Variants in COQ8A observed in about 807,000 individuals in gnomAD.
COQ8A encodes atypical kinase COQ8A, mitochondrial.
A neutral mutation model predicts 65.0 loss-of-function variants in COQ8A; 51 were observed. The observed-to-expected ratio is 0.78, with a 90% CI of 0.63 to 0.99. The LOEUF is 0.99. COQ8A is among the 50% of genes least tolerant of loss of function. The pLI, the probability that COQ8A is intolerant of heterozygous loss-of-function variation, is 0.00. For synonymous variants in COQ8A, 371 were observed against 353.2 expected (o/e 1.05, Z -0.57); for missense variants, 940 against 875.0 (o/e 1.07, Z -0.94).
chr1:226,975,369 C>T (rs961645868), intron 4 of COQ8A, among the ~76,000 whole-genome samples: 2 of 152,132 alleles, frequency 1.3e-5, no homozygotes, highest in Non-Finnish European at 2.9e-5. Flanking sequence ...AGTACGGAGC[C>T]GCCAGCCGCA....
At chr1:226,965,999 C>G (rs1304080964) in intron 4 of COQ8A, among the ~76,000 whole-genome samples, 1 of 152,270 alleles carries the variant, frequency 6.6e-6, no homozygotes, top group Non-Finnish European at 1.5e-5. Context: ...TTTGGATTGC[C>G]CGGCAGGCCT....
chr1:226,983,204 G>C (rs1194320572), intron 8 of COQ8A, 170 bp downstream of exon 8: 1 of 1,089,326 alleles, frequency 9.2e-7, no homozygotes, highest in Admixed American at 2.9e-5. Context: ...CAGAAGCTTG[G>C]GAAGTATTTG....
At chr1:226,970,882 C>T (rs536633472) in intron 4 of COQ8A, among the ~76,000 whole-genome samples, 1 of 152,178 alleles carries the variant, frequency 6.6e-6, no homozygotes, top group Non-Finnish European at 1.5e-5. Flanking sequence ...CTGAGGAACT[C>T]TCCTCTCTCT....
intron 1 of COQ8A, among the ~76,000 whole-genome samples, chr1:226,941,361 C>T (rs901090176): frequency 6.6e-6 from 1 of 152,160 alleles, no homozygotes; most frequent in Non-Finnish European, 1.5e-5. Context: ...CCAGTTGTCA[C>T]GCTGTGGATG....
chr1:226,967,608 T>C (rs1480347289), intron 4 of COQ8A, among the ~76,000 whole-genome samples: 1 of 152,124 alleles, frequency 6.6e-6, no homozygotes, highest in Non-Finnish European at 1.5e-5. Flanking sequence ...GAGACTGATG[T>C]GGAAGGGGTT....
rs57626915 is a variant in COQ8A, at chr1:226,973,160, G to T, written c.656-4289G>T. Among the ~76,000 whole-genome samples the T allele has an allele frequency of 8.9e-3, 1,356 of 152,336 alleles. 20 individuals are homozygous for T. The highest frequency in any genetic ancestry group is 0.031 in the African/African-American group (1,287 of 41,560). On this transcript the variant is annotated intron_variant, in intron 4 of 14. Coordinates refer to ENST00000366777, the MANE Select transcript of COQ8A (RefSeq NM_020247.5). ...GTGACGCCAGCCTGATTTGCTGAGG[G>T]CACACGCCATGCTTCCTGCAGTGCC...
chr1:226,957,050 A>C (rs1450940138), intron 1 of COQ8A, among the ~76,000 whole-genome samples: 1 of 106,796 alleles, frequency 9.4e-6, no homozygotes, highest in African/African-American at 3.8e-5. Flanking sequence ...CCTGGCTCCC[A>C]CTCTCCCTGA....
chr1:226,965,130 C>T lies in COQ8A; in HGVS notation c.308C>T (p.Ala103Val), dbSNP rs775747227. ...FSSASAPDQS[A>V]PPSLGHAHSE... ...TCAGCCTCCGCTCCCGACCAGTCAG[C>T]GCCCCCATCCCTGGGTCATGCCCAC... is the stretch of plus-strand genomic sequence containing the variant. Residue 103 changes from alanine to valine, a missense_variant, in exon 3 of 15, where the codon GCG becomes GTG. Physicochemically the swap from Ala to Val is moderately conservative, Grantham distance 64. Coordinates refer to ENST00000366777, the MANE Select transcript of COQ8A (RefSeq NM_020247.5). 72 of 1,613,864 alleles carry T rather than the reference C, an allele frequency of 4.5e-5. No homozygotes were observed. Among genetic ancestry groups the T allele is most frequent in the Non-Finnish European group, 5.7e-5 (67 of 1,180,048 alleles).
At position 226,961,522 on chromosome 1, in the gene COQ8A, C is replaced by A. The variant is rs187123516; in HGVS notation, c.137C>A (p.Thr46Lys). The A allele has an allele frequency of 6.2e-6, 10 of 1,613,760 alleles. No individual in the cohort carries two copies. In the East Asian group the frequency reaches 2.2e-4, roughly 36 times the overall value. Residue 46 changes from threonine to lysine, a missense_variant, in exon 2 of 15, where the codon ACG becomes AAG. By Grantham distance (78) the Thr-to-Lys change is moderately conservative. Coordinates refer to ENST00000366777, the MANE Select transcript of COQ8A (RefSeq NM_020247.5). ...ATGGCGGCCAGGGCCCTGCAGTCCA[C>A]GGCTGTGGAGCAGATTGGCATGTTC... ...LIMAARALQS[T>K]AVEQIGMFLG... is the part of the protein sequence containing the mutation.
At chr1:226,979,832 G>T (rs886528621) in intron 5 of COQ8A, among the ~76,000 whole-genome samples, 1 of 152,202 alleles carries the variant, frequency 6.6e-6, no homozygotes, top group South Asian at 2.1e-4. Flanking sequence ...TAGCGTTGGT[G>T]CTGACACTCT....
intron 5 of COQ8A, among the ~76,000 whole-genome samples, chr1:226,977,932 C>T (rs1659348421): frequency 2.0e-5 from 3 of 150,962 alleles, no homozygotes; most frequent in African/African-American, 4.9e-5. Context: ...ACACCCCTTG[C>T]CCACCCACCA....
intron 1 of COQ8A, among the ~76,000 whole-genome samples, chr1:226,953,178 T>TGC (rs1657493753): frequency 6.6e-6 from 1 of 152,106 alleles, no homozygotes; most frequent in African/African-American, 2.4e-5. Flanking sequence ...TACAGGCGCA[T>TGC]GCCACCACGC....
At chr1:226,985,515 G>C (rs554037513) in intron 14 of COQ8A, among the ~76,000 whole-genome samples, 175 bp downstream of exon 14, 2 of 152,342 alleles carry the variant, frequency 1.3e-5, no homozygotes, top group South Asian at 4.1e-4. Context: ...CCTGCTGAGC[G>C]TGAGATTTTC....
At chr1:226,945,388 A>T (rs1009676654) in intron 1 of COQ8A, among the ~76,000 whole-genome samples, 2 of 152,206 alleles carry the variant, frequency 1.3e-5, no homozygotes, top group African/African-American at 4.8e-5. Flanking sequence ...GACAGTCCAC[A>T]TGAAAAGAAA....
chr1:226,960,371 T>C (rs1658125138), intron 1 of COQ8A, among the ~76,000 whole-genome samples: 1 of 149,432 alleles, frequency 6.7e-6, no homozygotes. Flanking sequence ...TTGGTGGTGG[T>C]GGTGGTACTT....
chr1:226,983,516 TG>T, intron 8 of COQ8A, 35 bp from the exon 9 acceptor site: 1 of 1,600,288 alleles, frequency 6.2e-7, no homozygotes, highest in Non-Finnish European at 8.6e-7. Flanking sequence ...CCCGTCTCCC[TG>T]GGCTAACTCC....
chr1:226,975,429 AAC>A (rs1193963351), intron 4 of COQ8A, among the ~76,000 whole-genome samples: 1 of 152,198 alleles, frequency 6.6e-6, no homozygotes. Context: ...CTGAGTATAA[AAC>A]ACACATGGTG....
Position 226,986,973 on chromosome 1 carries a change from C to A in COQ8A, c.*236C>A. On this transcript the variant is annotated 3_prime_UTR_variant, in exon 15 of 15. Transcript: ENST00000366777. Reference sequence around the variant, plus strand: ...GCTCGGTCAGTCTGCCTCCGTGTGTCCTCTGAAATAAGCAGATGAAGATGA... The same window carrying A: ...GCTCGGTCAGTCTGCCTCCGTGTGTACTCTGAAATAAGCAGATGAAGATGA... 2 of 586,946 alleles carry A rather than the reference C, an allele frequency of 3.4e-6. No homozygotes were observed. The highest frequency in any genetic ancestry group is 4.0e-5 in the South Asian group (2 of 49,834). The allele number at this position is 586,946 out of a possible 1,614,324, so 36.4% of individuals were successfully genotyped here. A position where few individuals can be genotyped will look rare whatever the true frequency, so the allele number is the denominator to read the frequency against.
In COQ8A at chr1:226,946,098, C is replaced by G. The variant is rs1657025951; in HGVS notation, c.-10+5699C>G. The stretch of plus-strand genomic sequence containing the variant: ...CTCACTGACTCATAATGCTAATAAA[C>G]TCGTGTGTATGAGGACAGTGCCAGA... On this transcript the variant is annotated intron_variant, in intron 1 of 14. Transcript: ENST00000366777. This position sits in a 1 kb window ranked among gnomAD's most constrained non-coding sequence, Gnocchi z 5.3. Among the ~76,000 whole-genome samples, 1 of 152,136 alleles carries G rather than the reference C, an allele frequency of 6.6e-6. No homozygotes were observed.
Sources: gnomAD v4.1 joint callset for allele counts (sites outside exome capture counted in the v4.1 genomes callset) on GRCh38, gnomAD v4.1.1 for gene constraint, Gnocchi (gnomAD v3.1) non-coding constraint, MANE v1.5 for transcripts, NCBI Gene and HGNC (gene_info 2026-07-23, HGNC 2026-07-21) for gene names.